Variants in BCL2L14 observed in about 807,000 individuals in gnomAD.
BCL2L14 encodes the protein BCL2 like 14.
A neutral mutation model predicts 35.3 loss-of-function variants in BCL2L14; 27 were observed. That is an observed-to-expected ratio of 0.76 (90% CI 0.56 to 1.05). BCL2L14 has a LOEUF of 1.05. BCL2L14 is among the 50% of genes least tolerant of loss of function. BCL2L14 has a pLI of 0.00. For synonymous variants in BCL2L14, 139 were observed against 145.9 expected (o/e 0.95, Z 0.34); for missense variants, 377 against 382.6 (o/e 0.99, Z 0.12).
intron 5 of BCL2L14, among the ~76,000 whole-genome samples, chr12:12,096,594 C>T (rs1949317480): frequency 6.6e-6 from 1 of 152,120 alleles, no homozygotes; most frequent in African/African-American, 2.4e-5. Context: ...AGACATTTCT[C>T]CAAAGAATAT....
chr12:12,059,236 G>C (rs1361579963), intron 2 of BCL2L14, among the ~76,000 whole-genome samples: 1 of 151,782 alleles, frequency 6.6e-6, no homozygotes, highest in East Asian at 1.9e-4. Context: ...TTAGCGGCAA[G>C]TCCCGCTTTT....
chr12:12,084,919 C>T (rs1949009515), intron 2 of BCL2L14, among the ~76,000 whole-genome samples: 1 of 151,610 alleles, frequency 6.6e-6, no homozygotes, highest in Non-Finnish European at 1.5e-5. Context: ...TGAAAATATA[C>T]AAAAATTAGC....
intron 2 of BCL2L14, among the ~76,000 whole-genome samples, chr12:12,062,568 A>T (rs940976884): frequency 6.7e-6 from 1 of 150,270 alleles, no homozygotes; most frequent in African/African-American, 2.5e-5. Context: ...TTCCCTACAC[A>T]TCAAGCTTGA....
intron 1 of BCL2L14, chr12:12,077,906 C>T (rs1035075472): frequency 5.0e-6 from 2 of 398,160 alleles, no homozygotes; most frequent in Non-Finnish European, 1.0e-5. Context: ...CCTTAACAGA[C>T]AGCAGAAGGA....
At chr12:12,069,126 G>A (rs539555096), upstream of BCL2L14, among the ~76,000 whole-genome samples, 4 of 152,114 alleles carry the variant, frequency 2.6e-5, no homozygotes, top group African/African-American at 7.2e-5. Context: ...TGCTTTCATC[G>A]CATCTTGGTT....
chr12:12,050,007 T>C (rs1161692148), intron 1 of BCL2L14: 3 of 152,208 alleles, frequency 2.0e-5, no homozygotes, highest in South Asian at 2.1e-4. Flanking sequence ...GAGTCCACTC[T>C]TAAGTTTGAT....
At chr12:12,050,248 T>G (rs754746704) in intron 1 of BCL2L14, among the ~76,000 whole-genome samples, 2 of 151,868 alleles carry the variant, frequency 1.3e-5, no homozygotes, top group African/African-American at 2.4e-5. Flanking sequence ...TGCCCTGGCA[T>G]GCAAAGGCTG....
chr12:12,063,847 T>G (rs745729278), intron 2 of BCL2L14, among the ~76,000 whole-genome samples: 3 of 152,112 alleles, frequency 2.0e-5, no homozygotes, highest in Non-Finnish European at 4.4e-5. Context: ...TTCCTTCTCC[T>G]GGCTCATCCT....
At chr12:12,095,609 A>G (rs1949297979) in intron 5 of BCL2L14, 2 of 985,080 alleles carry the variant, frequency 2.0e-6, no homozygotes, top group African/African-American at 3.5e-5. Context: ...CACAACTTTA[A>G]CTCTCAACAG....
chr12:12,079,806 ATCTCT>A, intron 2 of BCL2L14, 68 bp downstream of exon 2: 1 of 1,477,036 alleles, frequency 6.8e-7, no homozygotes. Flanking sequence ...AGAGTGGTAC[ATCTCT>A]TCTCATGTTG....
intron 2 of BCL2L14, among the ~76,000 whole-genome samples, chr12:12,056,632 G>A (rs928001067): frequency 2.0e-5 from 3 of 152,150 alleles, no homozygotes; most frequent in Non-Finnish European, 2.9e-5. Flanking sequence ...TCAGGAGTTC[G>A]AGACCAGCCT....
chr12:12,080,218 A>T (rs535741172), intron 2 of BCL2L14, among the ~76,000 whole-genome samples: 1 of 151,212 alleles, frequency 6.6e-6, no homozygotes, highest in East Asian at 2.0e-4. Context: ...AAAAAAAATG[A>T]CTAAAAGGAA....
At chr12:12,096,446 AAAC>A (rs201203089) in intron 5 of BCL2L14, among the ~76,000 whole-genome samples, 98 of 141,496 alleles carry the variant, frequency 6.9e-4, no homozygotes, top group Middle Eastern at 3.6e-3. Context: ...AAAAAAAAAA[AAAC>A]AACCCACAGA....
intron 2 of BCL2L14, among the ~76,000 whole-genome samples, chr12:12,059,147 C>T (rs1462950737): frequency 6.6e-6 from 1 of 152,200 alleles, no homozygotes; most frequent in Non-Finnish European, 1.5e-5. Flanking sequence ...TTAATCATTG[C>T]AAGGACACCT....
intron 1 of BCL2L14, among the ~76,000 whole-genome samples, chr12:12,051,409 C>G (rs572101836): frequency 6.6e-6 from 1 of 152,140 alleles, no homozygotes; most frequent in African/African-American, 2.4e-5. Flanking sequence ...CAGGGAATCC[C>G]GAGGGTTCCC....
chr12:12,099,152 G>C lies in BCL2L14; in HGVS notation c.*164G>C. ...AGAGGCATCAGGAGAGGTCTCGTTCGTCTCCAGCTCATAAAATGTAGCAGC... is the reference window on the plus strand; with the variant it reads ...AGAGGCATCAGGAGAGGTCTCGTTCCTCTCCAGCTCATAAAATGTAGCAGC... On this transcript the variant is annotated 3_prime_UTR_variant, in exon 6 of 6. Coordinates refer to ENST00000308721, the MANE Select transcript of BCL2L14 (RefSeq NM_138723.2). 3.4e-6 allele frequency: 2 copies of C among 594,242 alleles called. No individual in the cohort carries two copies. Among genetic ancestry groups the C allele is most frequent in the Non-Finnish European group, 3.0e-6 (1 of 330,654 alleles). The allele number at this position is 594,242 out of a possible 1,614,324, so 36.8% of individuals were successfully genotyped here. A position where few individuals can be genotyped will look rare whatever the true frequency, so the allele number is the denominator to read the frequency against.
intron 3 of BCL2L14, among the ~76,000 whole-genome samples, chr12:12,089,541 C>CA (rs1245199512): frequency 2.0e-5 from 3 of 151,826 alleles, no homozygotes; most frequent in Non-Finnish European, 2.9e-5. Flanking sequence ...ACTAAAAATA[C>CA]AAAAAAATTA....
At chr12:12,085,324 G>T (rs995660281) in intron 2 of BCL2L14, among the ~76,000 whole-genome samples, 1 of 152,172 alleles carries the variant, frequency 6.6e-6, no homozygotes, top group African/African-American at 2.4e-5. Context: ...GCAGAGGCCT[G>T]CTTTCCTTTC....
intron 2 of BCL2L14, chr12:12,055,639 C>G (rs566319000): frequency 6.6e-6 from 1 of 152,170 alleles, no homozygotes; most frequent in Admixed American, 6.5e-5. Context: ...ATAGGCAGAA[C>G]GCTTTCACTT....
Sources: allele counts gnomAD v4.1 joint callset (sites outside exome capture counted in the v4.1 genomes callset), GRCh38; gene constraint gnomAD v4.1.1; transcripts MANE v1.5; gene names NCBI Gene and HGNC (gene_info 2026-07-23, HGNC 2026-07-21).